The following TMEM132D variants were observed in gnomAD, a reference collection of about 807,000 sequenced individuals.
TMEM132D encodes the protein mature OL transmembrane protein.
In TMEM132D, 21 loss-of-function variants were observed where a neutral mutation model predicts 62.3. That is an observed-to-expected ratio of 0.34 (90% CI 0.24 to 0.49). The LOEUF (loss-of-function observed/expected upper bound fraction) is 0.49, where lower values mean the gene tolerates loss of function less well. Ranked by LOEUF, TMEM132D falls within the 20% of genes least tolerant of loss-of-function variation. The pLI is 0.99. For missense variants in TMEM132D, 1,346 were observed against 1,402.8 expected, an observed-to-expected ratio of 0.96 and a Z score of 0.65; for synonymous variants, 621 against 575.6, an observed-to-expected ratio of 1.08 and a Z score of -1.13.
chr12:129,624,139 C>G (rs1879151590), intron 2 of TMEM132D, among the ~76,000 whole-genome samples: 1 of 152,214 alleles, frequency 6.6e-6, no homozygotes, highest in Non-Finnish European at 1.5e-5. Context: ...CTACATAAGT[C>G]TCTCTGATCT....
At chr12:129,743,835 AG>A (rs1305894868) in intron 1 of TMEM132D, among the ~76,000 whole-genome samples, 2 of 152,218 alleles carry the variant, frequency 1.3e-5, no homozygotes, top group Non-Finnish European at 2.9e-5. Context: ...AGCTTGGAAC[AG>A]GAGCAGCCTC....
intron 5 of TMEM132D, among the ~76,000 whole-genome samples, chr12:129,105,558 A>G (rs1026268263): frequency 1.3e-4 from 14 of 104,942 alleles, no homozygotes; most frequent in South Asian, 7.0e-4. Context: ...ATAAAAAAAA[A>G]GAAAAAAAAA....
chr12:129,487,190 G>A (rs1874609598), intron 3 of TMEM132D, among the ~76,000 whole-genome samples: 1 of 152,102 alleles, frequency 6.6e-6, no homozygotes, highest in African/African-American at 2.4e-5. Flanking sequence ...AACAGCCCCA[G>A]CGTGCATGGG....
At chr12:129,868,560 C>G (rs1874135970) in intron 1 of TMEM132D, among the ~76,000 whole-genome samples, 1 of 152,194 alleles carries the variant, frequency 6.6e-6, no homozygotes, top group African/African-American at 2.4e-5. Flanking sequence ...GTCAAGTCAA[C>G]TCCATCTGCA....
chr12:129,662,746 T>C (rs559656873), intron 2 of TMEM132D, among the ~76,000 whole-genome samples: 5 of 141,250 alleles, frequency 3.5e-5, no homozygotes, highest in South Asian at 4.4e-4. Context: ...TGAGCTAAGA[T>C]TGTGCCACTG....
At chr12:129,352,922 A>G (rs573994981) in intron 3 of TMEM132D, among the ~76,000 whole-genome samples, 1 of 152,264 alleles carries the variant, frequency 6.6e-6, no homozygotes, top group African/African-American at 2.4e-5. Flanking sequence ...TATATACCCA[A>G]AGGATTACAA....
At chr12:129,891,012 T>C (rs1372258569) in intron 1 of TMEM132D, among the ~76,000 whole-genome samples, 5 of 152,050 alleles carry the variant, frequency 3.3e-5, no homozygotes, top group African/African-American at 9.7e-5. Flanking sequence ...GATGAAAATA[T>C]AGAGAAACCT....
intron 4 of TMEM132D, among the ~76,000 whole-genome samples, chr12:129,240,412 G>A (rs1879905787): frequency 6.6e-6 from 1 of 152,146 alleles, no homozygotes; most frequent in Admixed American, 6.5e-5. Flanking sequence ...ATTAAAGGCA[G>A]GCTGACGTAG....
At chr12:129,898,938 C>T (rs770812440) in intron 1 of TMEM132D, among the ~76,000 whole-genome samples, 2 of 152,218 alleles carry the variant, frequency 1.3e-5, no homozygotes, top group Non-Finnish European at 2.9e-5. Flanking sequence ...CAACTTAAAG[C>T]AACGGAGTAA....
At chr12:129,578,178 C>G (rs1430331906) in intron 2 of TMEM132D, among the ~76,000 whole-genome samples, 2 of 152,104 alleles carry the variant, frequency 1.3e-5, no homozygotes, top group Non-Finnish European at 2.9e-5. Context: ...AGTCCTCGAG[C>G]CTTCGGTCTC....
At chr12:129,396,909 G>A (rs990989086) in intron 3 of TMEM132D, among the ~76,000 whole-genome samples, 5 of 152,102 alleles carry the variant, frequency 3.3e-5, no homozygotes, top group Non-Finnish European at 7.3e-5. Context: ...TTAGGTTTTT[G>A]TAACCTGACA....
intron 3 of TMEM132D, among the ~76,000 whole-genome samples, chr12:129,464,450 T>C (rs1873811669): frequency 6.6e-6 from 1 of 152,248 alleles, no homozygotes; most frequent in African/African-American, 2.4e-5. Flanking sequence ...TAGTTTCTTT[T>C]GCTGTGCAGA....
At chr12:129,183,670 T>C (rs372175955) in intron 5 of TMEM132D, among the ~76,000 whole-genome samples, 1 of 152,256 alleles carries the variant, frequency 6.6e-6, no homozygotes, top group East Asian at 1.9e-4. Flanking sequence ...TGTTTTCTCT[T>C]GAAGAGTCCC....
At position 129,337,850 on chromosome 12, in the gene TMEM132D, A is replaced by AG. The variant is rs768288767; in HGVS notation, c.1116-34dup. 57 of 1,569,730 alleles carry AG rather than the reference A, an allele frequency of 3.6e-5. No individual in the cohort carries two copies. In the South Asian group the frequency reaches 5.6e-4, roughly 16 times the overall value. On this transcript the variant is annotated intron_variant, in intron 3 of 8. Coordinates refer to ENST00000422113, the MANE Select transcript of TMEM132D (RefSeq NM_133448.3). ...GAAGACACAGAGGAGAACAGCTTTC[A>AG]GGGACTGATGAGGTATGGCACGCTT... is the stretch of plus-strand genomic sequence containing the variant.
At chr12:129,400,780 T>C (rs1045739001) in intron 3 of TMEM132D, among the ~76,000 whole-genome samples, 4 of 152,214 alleles carry the variant, frequency 2.6e-5, no homozygotes, top group African/African-American at 7.2e-5. Context: ...AAGCTAAATA[T>C]ATAATATTTT....
chr12:129,410,425 T>C (rs1871933922), intron 3 of TMEM132D, among the ~76,000 whole-genome samples: 1 of 152,212 alleles, frequency 6.6e-6, no homozygotes, highest in Admixed American at 6.5e-5. Flanking sequence ...AGTGGCACGA[T>C]CTCAGCTCAC....
intron 2 of TMEM132D, among the ~76,000 whole-genome samples, chr12:129,601,565 G>C (rs970261904): frequency 3.3e-5 from 5 of 152,158 alleles, no homozygotes; most frequent in Admixed American, 6.5e-5. Flanking sequence ...TAAAATGTGA[G>C]ATGTGCAACT....
chr12:129,849,043 T>A (rs1047589040), intron 1 of TMEM132D, among the ~76,000 whole-genome samples: 3 of 151,924 alleles, frequency 2.0e-5, no homozygotes, highest in African/African-American at 7.3e-5. Context: ...AAGACTGGAG[T>A]AGGGGCTTAG....
chr12:129,296,521 C>T (rs888072931), intron 4 of TMEM132D, among the ~76,000 whole-genome samples: 20 of 152,204 alleles, frequency 1.3e-4, no homozygotes, highest in Admixed American at 2.6e-4. Flanking sequence ...AGACAAGTGT[C>T]GGCAGCTTCT....
Sources: gnomAD v4.1 joint callset for allele counts (sites outside exome capture counted in the v4.1 genomes callset) on GRCh38, gnomAD v4.1.1 for gene constraint, MANE v1.5 for transcripts, NCBI Gene and HGNC (gene_info 2026-07-23, HGNC 2026-07-21) for gene names.